Variants in NUDT3 observed in about 807,000 individuals in gnomAD.
NUDT3 encodes the protein nudix hydrolase 3, also known as diphosphoinositol polyphosphate phosphohydrolase 1.
Under a neutral mutation model 23.6 loss-of-function variants are expected in NUDT3, and 9 were observed. That is an observed-to-expected ratio of 0.38 (90% confidence interval 0.23 to 0.66). NUDT3 has a LOEUF of 0.66. NUDT3 is among the 30% of genes least tolerant of loss of function. The pLI, the probability that NUDT3 is intolerant of heterozygous loss-of-function variation, is 0.52. For synonymous variants in NUDT3, 86 were observed against 82.6 expected, an observed-to-expected ratio of 1.04 and a Z score of -0.22; for missense variants, 172 against 218.5, an observed-to-expected ratio of 0.79 and a Z score of 1.34.
chr6:34,382,011 T>TGCAGC (rs1765026673), intron 1 of NUDT3, among the ~76,000 whole-genome samples: 1 of 136,250 alleles, frequency 7.3e-6, no homozygotes, highest in Admixed American at 8.5e-5. Flanking sequence ...AGACGGGGGT[T>TGCAGC]GCAGCGAGCC....
chr6:34,339,233 C>T (rs1161263144), intron 2 of NUDT3, among the ~76,000 whole-genome samples: 1 of 152,184 alleles, frequency 6.6e-6, no homozygotes, highest in Non-Finnish European at 1.5e-5. Flanking sequence ...TTGGGGATAT[C>T]TAAATATCAT....
intron 2 of NUDT3, among the ~76,000 whole-genome samples, chr6:34,306,956 G>A (rs1227700353): frequency 6.6e-6 from 1 of 152,182 alleles, no homozygotes; most frequent in Non-Finnish European, 1.5e-5. Context: ...ACTAGCTTTT[G>A]AGATAAATTA....
rs371036237 is a variant in NUDT3, at chr6:34,343,333, T to C, written c.100-1361A>G. Among the ~76,000 whole-genome samples, 99 of 148,528 alleles carry C rather than the reference T, an allele frequency of 6.7e-4. 5 individuals are homozygous for C. In the South Asian group the frequency reaches 0.02, roughly 30 times the overall value. On this transcript the variant is annotated intron_variant, in intron 1 of 4. Transcript: ENST00000607016. The stretch of plus-strand genomic sequence containing the variant: ...GGGAGGCCAAGGCAGGAGGACTGCC[T>C]GAGCCCAGGAGGTCAAGACCAGCCT...
chr6:34,383,948 T>C (rs1192328501), intron 1 of NUDT3, among the ~76,000 whole-genome samples: 1 of 152,134 alleles, frequency 6.6e-6, no homozygotes, highest in Non-Finnish European at 1.5e-5. Context: ...AATGAACCCA[T>C]CATGATCTTA....
chr6:34,382,327 C>T lies in NUDT3; in HGVS notation c.99+9937G>A, dbSNP rs558471473. On this transcript the variant is annotated intron_variant, in intron 1 of 4. Coordinates refer to ENST00000607016, the MANE Select transcript of NUDT3 (RefSeq NM_006703.4). Reference sequence around the variant, plus strand: ...CTGAGGTGAGAGCATCACTTGCGCCCGGAAGGTTGGGGCTGCATTGAGCTA... The same window carrying T: ...CTGAGGTGAGAGCATCACTTGCGCCTGGAAGGTTGGGGCTGCATTGAGCTA... 1.1e-4 allele frequency among the ~76,000 whole-genome samples: 16 copies of T among 152,014 alleles called. No individual in the cohort carries two copies. In the South Asian group the frequency reaches 3.1e-3, roughly 30 times the overall value.
At chr6:34,310,210 G>A (rs1248107896) in intron 2 of NUDT3, among the ~76,000 whole-genome samples, 1 of 152,102 alleles carries the variant, frequency 6.6e-6, no homozygotes, top group African/African-American at 2.4e-5. Context: ...GCCAGCCTGG[G>A]TGACAGAGCA....
intron 2 of NUDT3, among the ~76,000 whole-genome samples, chr6:34,313,219 T>G (rs1763802243): frequency 6.6e-6 from 1 of 152,034 alleles, no homozygotes; most frequent in African/African-American, 2.4e-5. Context: ...GGAGGAATCT[T>G]AAATGCGTAT....
chr6:34,379,832 T>C (rs1764983504), intron 1 of NUDT3, among the ~76,000 whole-genome samples: 1 of 151,860 alleles, frequency 6.6e-6, no homozygotes, highest in East Asian at 2.0e-4. Flanking sequence ...CTGGCCAACA[T>C]GGTGAAACCC....
chr6:34,350,197 G>C (rs1260289283), intron 1 of NUDT3, among the ~76,000 whole-genome samples: 1 of 150,894 alleles, frequency 6.6e-6, no homozygotes. Context: ...CTGATTTCTG[G>C]AGAATCAGTT....
intron 2 of NUDT3, among the ~76,000 whole-genome samples, chr6:34,308,076 G>A (rs1228713452): frequency 5.0e-5 from 6 of 118,966 alleles, no homozygotes; most frequent in Non-Finnish European, 8.4e-5. Flanking sequence ...AACCAAGATC[G>A]TGCCACTGCA....
intron 1 of NUDT3, among the ~76,000 whole-genome samples, chr6:34,387,714 GGAAA>G (rs944734848): frequency 2.1e-4 from 30 of 144,378 alleles, no homozygotes; most frequent in Admixed American, 5.6e-4. Context: ...TAGTATGACA[GGAAA>G]GAAAGAGAAA....
intron 1 of NUDT3, among the ~76,000 whole-genome samples, chr6:34,343,422 T>G (rs1468727209): frequency 6.7e-6 from 1 of 149,914 alleles, no homozygotes; most frequent in Non-Finnish European, 1.5e-5. Flanking sequence ...GGCTTAGTGG[T>G]GCACACCTGT....
chr6:34,305,856 A>G (rs1235207247), intron 2 of NUDT3, among the ~76,000 whole-genome samples: 1 of 152,042 alleles, frequency 6.6e-6, no homozygotes, highest in Admixed American at 6.6e-5. Context: ...TTGGTTTCTA[A>G]TTCTACTGCA....
chr6:34,356,644 T>A (rs1764565140), intron 1 of NUDT3, among the ~76,000 whole-genome samples: 1 of 152,116 alleles, frequency 6.6e-6, no homozygotes, highest in Admixed American at 6.5e-5. Context: ...ACAGAACTGG[T>A]AACCACTGAA....
intron 4 of NUDT3, among the ~76,000 whole-genome samples, chr6:34,293,132 G>A (rs547573616): frequency 2.0e-5 from 3 of 152,216 alleles, no homozygotes; most frequent in South Asian, 4.1e-4. Flanking sequence ...GCATGATTAT[G>A]GCTCAATGTG....
intron 2 of NUDT3, among the ~76,000 whole-genome samples, chr6:34,321,727 G>A (rs1159766348): frequency 1.3e-5 from 2 of 152,000 alleles, no homozygotes; most frequent in Non-Finnish European, 2.9e-5. Context: ...AGGCGCCCAG[G>A]TACTAGAACC....
Position 34,286,011 on chromosome 6 carries a change from T to C in NUDT3, c.*2742A>G, listed in dbSNP as rs1339497235. 6.6e-6 allele frequency: 1 copy of C among 152,208 alleles called. No individual in the cohort carries two copies. Among genetic ancestry groups the C allele is most frequent in the Non-Finnish European group, 1.5e-5 (1 of 68,036 alleles). The allele number at this position is 152,208 out of a possible 1,614,324, so 9.4% of individuals were successfully genotyped here. A position where few individuals can be genotyped will look rare whatever the true frequency, so the allele number is the denominator to read the frequency against. ...CTTTCAGGGTAGTATATTGTTACACTAGCCCAGTCAAAACATACTCAGAAC... is the reference window on the plus strand; with the variant it reads ...CTTTCAGGGTAGTATATTGTTACACCAGCCCAGTCAAAACATACTCAGAAC... On this transcript the variant is annotated 3_prime_UTR_variant, in exon 5 of 5. Transcript: ENST00000607016.
intron 1 of NUDT3, among the ~76,000 whole-genome samples, chr6:34,367,101 C>G (rs970591323): frequency 6.6e-6 from 1 of 152,118 alleles, no homozygotes; most frequent in African/African-American, 2.4e-5. Context: ...GTTGGCAAGG[C>G]TGGTCTCGAA....
intron 1 of NUDT3, among the ~76,000 whole-genome samples, chr6:34,344,312 T>C (rs889222945): frequency 1.3e-5 from 2 of 152,128 alleles, no homozygotes; most frequent in Non-Finnish European, 2.9e-5. Flanking sequence ...TAAGAGTGAA[T>C]GAATAAACAA....
Sources: allele counts gnomAD v4.1 joint callset (sites outside exome capture counted in the v4.1 genomes callset), GRCh38; gene constraint gnomAD v4.1.1; transcripts MANE v1.5; gene names NCBI Gene and HGNC (gene_info 2026-07-23, HGNC 2026-07-21).